The following HDAC9 variants were observed in gnomAD, a reference collection of about 807,000 sequenced individuals.
HDAC9 encodes histone deacetylase 9.
In HDAC9, 41 loss-of-function variants were observed where a neutral mutation model predicts 139.4. The observed-to-expected ratio is 0.29, with a 90% CI of 0.23 to 0.38. The LOEUF (loss-of-function observed/expected upper bound fraction) is 0.38, where lower values mean the gene tolerates loss of function less well. Ranked by LOEUF, HDAC9 falls within the 10% of genes least tolerant of loss-of-function variation. The pLI, the probability that HDAC9 is intolerant of heterozygous loss-of-function variation, is 1.00. For missense variants in HDAC9, 1,147 were observed against 1,297.0 expected (o/e 0.88, Z 1.78); for synonymous variants, 517 against 476.2 (o/e 1.09, Z -1.12).
At chr7:18,416,408 G>C (rs7459358) in intron 1 of HDAC9, among the ~76,000 whole-genome samples, 1 of 152,066 alleles carries the variant, frequency 6.6e-6, no homozygotes, top group Non-Finnish European at 1.5e-5. Context: ...TTGATTATTA[G>C]AGTAATACCT....
At chr7:18,465,830 A>G (rs929398274) in intron 1 of HDAC9, among the ~76,000 whole-genome samples, 2 of 152,154 alleles carry the variant, frequency 1.3e-5, no homozygotes, top group African/African-American at 4.8e-5. Flanking sequence ...TCCCTTATCC[A>G]GTGATGGACT....
intron 2 of HDAC9, among the ~76,000 whole-genome samples, chr7:18,183,087 G>A (rs892747361): frequency 3.3e-5 from 5 of 150,708 alleles, no homozygotes; most frequent in Non-Finnish European, 5.9e-5. Context: ...TCGGCTCACT[G>A]CAAGCTCCGC....
intron 2 of HDAC9, among the ~76,000 whole-genome samples, chr7:18,213,810 G>C (rs750250611): frequency 2.6e-5 from 4 of 152,056 alleles, no homozygotes; most frequent in Non-Finnish European, 5.9e-5. Context: ...AATATTCTGT[G>C]CTTTATTTCT....
chr7:18,292,664 T>A (rs1161207043), intron 1 of HDAC9, among the ~76,000 whole-genome samples: 1 of 152,158 alleles, frequency 6.6e-6, no homozygotes, highest in Non-Finnish European at 1.5e-5. Context: ...GATTTTGTTT[T>A]TAAGGCCATT....
chr7:18,737,855 G>T (rs1036443332), intron 13 of HDAC9, among the ~76,000 whole-genome samples: 2 of 152,164 alleles, frequency 1.3e-5, no homozygotes, highest in Non-Finnish European at 2.9e-5. Flanking sequence ...TATTGGCAGT[G>T]GGGTGTTAAA....
chr7:18,399,015 C>G (rs1319713583), intron 1 of HDAC9, among the ~76,000 whole-genome samples: 2 of 152,012 alleles, frequency 1.3e-5, no homozygotes, highest in Non-Finnish European at 2.9e-5. Context: ...AAAATTTCAC[C>G]TTATAGATTT....
intron 1 of HDAC9, among the ~76,000 whole-genome samples, chr7:18,457,931 A>G (rs1793491942): frequency 6.6e-6 from 1 of 152,104 alleles, no homozygotes; most frequent in Admixed American, 6.6e-5. Flanking sequence ...CGTGTATGCA[A>G]ATGCACACAC....
At chr7:18,276,455 A>G (rs1796726000) in intron 2 of HDAC9, among the ~76,000 whole-genome samples, 1 of 152,262 alleles carries the variant, frequency 6.6e-6, no homozygotes, top group African/African-American at 2.4e-5. Context: ...CAGCTTCTTG[A>G]TATTATTTTA....
chr7:18,165,897 G>A (rs901475180), intron 2 of HDAC9, among the ~76,000 whole-genome samples: 8 of 152,080 alleles, frequency 5.3e-5, no homozygotes, highest in African/African-American at 1.9e-4. Flanking sequence ...GTCTATCTAG[G>A]CCATCTCATT....
At chr7:18,736,829 C>G (rs909225462) in intron 13 of HDAC9, among the ~76,000 whole-genome samples, 3 of 152,146 alleles carry the variant, frequency 2.0e-5, no homozygotes, top group Non-Finnish European at 2.9e-5. Flanking sequence ...CTCTTTGTAA[C>G]TCTGGTAGAA....
chr7:18,930,765 CAT>C (rs1804671498), intron 22 of HDAC9, among the ~76,000 whole-genome samples: 1 of 152,146 alleles, frequency 6.6e-6, no homozygotes, highest in Non-Finnish European at 1.5e-5. Context: ...ACATGGGTAA[CAT>C]GTGAATGGAA....
intron 1 of HDAC9, among the ~76,000 whole-genome samples, chr7:18,425,221 A>T (rs1031359889): frequency 6.6e-6 from 1 of 152,212 alleles, no homozygotes; most frequent in African/African-American, 2.4e-5. Flanking sequence ...TTTCAGAAAA[A>T]TGCAAAATTA....
chr7:18,880,166 G>C (rs754358640), intron 22 of HDAC9, among the ~76,000 whole-genome samples: 1 of 152,162 alleles, frequency 6.6e-6, no homozygotes, highest in Non-Finnish European at 1.5e-5. Flanking sequence ...AACAGGTGCT[G>C]GCAAGGTTGC....
chr7:18,136,713 AG>A (rs1230425562), intron 1 of HDAC9, among the ~76,000 whole-genome samples: 71 of 151,328 alleles, frequency 4.7e-4, no homozygotes, highest in Non-Finnish European at 9.5e-4. Context: ...GTAGCCTTGT[AG>A]TATAGTTTGA....
intron 12 of HDAC9, among the ~76,000 whole-genome samples, chr7:18,682,456 C>G (rs1181404185): frequency 6.6e-6 from 1 of 152,012 alleles, no homozygotes; most frequent in African/African-American, 2.4e-5. Context: ...CACATTCACA[C>G]TCACTCTACA....
At chr7:18,361,448 C>A (rs917101035) in intron 1 of HDAC9, among the ~76,000 whole-genome samples, 3 of 152,118 alleles carry the variant, frequency 2.0e-5, no homozygotes, top group African/African-American at 4.8e-5. Flanking sequence ...TCACTGCCTT[C>A]CCTACCCCTT....
chr7:18,612,422 C>T (rs1403739074), intron 6 of HDAC9, among the ~76,000 whole-genome samples: 3 of 151,728 alleles, frequency 2.0e-5, no homozygotes, highest in South Asian at 2.1e-4. Context: ...ATTGTTATTA[C>T]AGTGATGTTA....
chr7:18,968,945 C>T (rs1413042129), intron 24 of HDAC9, among the ~76,000 whole-genome samples: 3 of 118,238 alleles, frequency 2.5e-5, no homozygotes, highest in Non-Finnish European at 4.9e-5. Flanking sequence ...GACGACAGAG[C>T]GAGCCTCCCT....
intron 1 of HDAC9, among the ~76,000 whole-genome samples, chr7:18,145,567 A>T (rs960022564): frequency 3.3e-5 from 5 of 152,234 alleles, no homozygotes; most frequent in African/African-American, 1.2e-4. Context: ...AAGAAACATG[A>T]TAGCATTCAA....
Sources: allele counts gnomAD v4.1 joint callset (sites outside exome capture counted in the v4.1 genomes callset), GRCh38; gene constraint gnomAD v4.1.1; transcripts MANE v1.5; gene names NCBI Gene and HGNC (gene_info 2026-07-23, HGNC 2026-07-21).